ITIH4: variants seen among roughly 807,000 people sequenced by gnomAD.
ITIH4 encodes inter-alpha-trypsin inhibitor heavy chain H4.
A neutral mutation model predicts 111.8 loss-of-function variants in ITIH4; 79 were observed. That is an observed-to-expected ratio of 0.71 (90% confidence interval 0.59 to 0.85). The LOEUF is 0.85. Ranked by LOEUF, ITIH4 falls within the 40% of genes least tolerant of loss-of-function variation. The probability of loss-of-function intolerance (pLI) is 0.00; values close to 1 mark genes in which losing one functional copy is unlikely to be tolerated. For missense variants in ITIH4, 1,065 were observed against 1,195.8 expected (o/e 0.89, Z 1.61); for synonymous variants, 472 against 468.3 (o/e 1.01, Z -0.10).
chr3:52,813,457 C>T lies in ITIH4; in HGVS notation c.2757G>A (p.Pro919=), dbSNP rs78780447. 30,325 of 1,614,004 alleles carry T rather than the reference C, an allele frequency of 0.019. 401 individuals are homozygous for T. The highest frequency in any genetic ancestry group is 0.022 in the Non-Finnish European group (26,210 of 1,179,884). The part of the protein sequence containing the change: ...ERRLDYQEGP[P]GVEISCWSVE... ...CAGACCAGCAGGAAATCTCCACTCC[C>T]GGGGGCCCCTCCTGGTAATCCAGCC... The change falls in exon 24 of 24, where the codon CCG becomes CCA. Residue 919 remains proline (P), a synonymous_variant. Coordinates refer to ENST00000266041, the MANE Select transcript of ITIH4 (RefSeq NM_002218.5).
intron 23 of ITIH4, among the ~76,000 whole-genome samples, 193 bp downstream of exon 23, chr3:52,813,782 G>T (rs961436269): frequency 6.6e-6 from 1 of 152,194 alleles, no homozygotes; most frequent in Non-Finnish European, 1.5e-5. Flanking sequence ...TTTTCTGTGG[G>T]TCTGAGATGG....
Position 52,830,573 on chromosome 3 carries a change from G to C in ITIH4, c.70C>G (p.Gln24Glu). Residue 24 changes from glutamine to glutamate, a missense_variant, in exon 1 of 24, where the codon CAG becomes GAG. Physicochemically the swap from Gln to Glu is conservative, Grantham distance 29. Coordinates refer to ENST00000266041, the MANE Select transcript of ITIH4 (RefSeq NM_002218.5). ...GCTACCTTTTCGGCAGTAGTAGTCT[G>C]GTGGATGGCCAGCAGTGAAAGCAGG... is the stretch of plus-strand genomic sequence containing the variant. ...LVLLSLLAIH[Q>E]TTTAEKNGID... The C allele has an allele frequency of 6.2e-7, 1 of 1,614,152 alleles. No individual in the cohort carries two copies. The highest frequency in any genetic ancestry group is 8.5e-7 in the Non-Finnish European group (1 of 1,179,990).
intron 17 of ITIH4, chr3:52,819,182 C>T (rs3774361): frequency 0.056 from 31,320 of 559,810 alleles, 4,613 homozygotes; most frequent in African/African-American, 0.35. Flanking sequence ...GCTGGGAAGG[C>T]GAGGACAGCC....
chr3:52,820,349 A>G (rs574517662), intron 13 of ITIH4, 32 bp from the exon 14 acceptor site: 4 of 1,606,510 alleles, frequency 2.5e-6, no homozygotes, highest in Non-Finnish European at 2.6e-6. Context: ...AGAGAGACAG[A>G]CAGACAGAGA....
At position 52,820,639 on chromosome 3, in the gene ITIH4, A is replaced by ATG. The variant is rs1700364266; in HGVS notation, c.1824_1825dup (p.Met609ThrfsTer51). On this transcript the variant is annotated frameshift_variant, in exon 13 of 24. Transcript: ENST00000266041. LOFTEE classifies it high-confidence loss of function. ...CTCAACCCCACACCCACCGCCTTCC[A>ATG]TGGGCTTCTCAGCAACTTGAGACTG... 18 of 1,610,122 alleles carry ATG rather than the reference A, an allele frequency of 1.1e-5. No individual in the cohort carries two copies. In the South Asian group the frequency reaches 1.8e-4, roughly 16 times the overall value.
rs942678476 is a variant in ITIH4, at chr3:52,813,268, C to A, written c.*153G>T. ...GGCCCTAGGATTTGGCCACATGGAA[C>A]TGGAGACACCCACTTCCCAGGCTCA... On this transcript the variant is annotated 3_prime_UTR_variant, in exon 24 of 24. Transcript: ENST00000266041. 1.7e-5 allele frequency: 12 copies of A among 706,178 alleles called. No individual in the cohort carries two copies. In the African/African-American group the frequency reaches 2.0e-4, roughly 12 times the overall value. 43.7% of individuals were successfully genotyped at this position (706,178 alleles called of 1,614,324 possible).
rs371170395 is a variant in ITIH4, at chr3:52,818,290, G to T, written c.2153-7C>A. On this transcript the variant is annotated splice_polypyrimidine_tract_variant and splice_region_variant and intron_variant, in intron 18 of 23. Transcript: ENST00000266041. ...TGGGTTGTCATGGTTGTTTCTAAAA[G>T]AAGAAAAAGTCTGGGTTTAGGCAGC... 11 of 1,576,016 alleles carry T rather than the reference G, an allele frequency of 7.0e-6. No homozygotes were observed. The highest frequency in any genetic ancestry group is 9.5e-6 in the Non-Finnish European group (11 of 1,162,842).
intron 1 of ITIH4, 98 bp downstream of exon 1, chr3:52,830,455 C>T: frequency 8.6e-7 from 1 of 1,160,762 alleles, no homozygotes; most frequent in Non-Finnish European, 1.3e-6. Flanking sequence ...GATGCACACG[C>T]ACTTGTGCTG....
rs1700314401 is a variant in ITIH4 at position 52,818,266 on chromosome 3, G to A, written c.2170C>T (p.Gln724Ter). 2 of 1,581,214 alleles carry A rather than the reference G, an allele frequency of 1.3e-6. No individual in the cohort carries two copies. Among genetic ancestry groups the A allele is most frequent in the South Asian group, 1.2e-5 (1 of 84,526 alleles). ...GGGGCTGGGAACTTACCTGGGGTTTGGGTTGTCATGGTTGTTTCTAAAAGA... is the reference window on the plus strand; with the variant it reads ...GGGGCTGGGAACTTACCTGGGGTTTAGGTTGTCATGGTTGTTTCTAAAAGA... ...MKIEETTMTT[Q>*]TPAPIQAPSA... The change falls in exon 19 of 24, where the codon CAA (glutamine) becomes TAA (stop). Residue 724 changes from glutamine (Q) to a stop codon, truncating the protein, a stop_gained. Coordinates refer to ENST00000266041, the MANE Select transcript of ITIH4 (RefSeq NM_002218.5). LOFTEE classifies it high-confidence loss of function.
intron 11 of ITIH4, 142 bp from the exon 12 acceptor site, chr3:52,821,272 G>T: frequency 6.3e-6 from 6 of 957,264 alleles, no homozygotes; most frequent in Non-Finnish European, 9.3e-6. Context: ...TTGAGTGGGG[G>T]TAAGGAGGGG....
At chr3:52,818,941 C>T (rs777566080) in intron 17 of ITIH4, 72 of 280,030 alleles carry the variant, frequency 2.6e-4, no homozygotes, top group African/African-American at 4.4e-5. Context: ...GGGAGAGGGG[C>T]CTTCAGAGAG....
chr3:52,819,580 G>A (rs1700340011), intron 16 of ITIH4, 62 bp from the exon 17 acceptor site: 1 of 1,609,206 alleles, frequency 6.2e-7, no homozygotes. Context: ...CACAGCCAGG[G>A]CTTGAGATCC....
rs112056587 is a variant in ITIH4 at position 52,824,203 on chromosome 3, G to A, written c.1158C>T (p.Gly386=). The change falls in exon 9 of 24, where the codon GGC becomes GGT. Residue 386 remains glycine (G), a synonymous_variant. Transcript: ENST00000266041. The surrounding 1 kb of genome is among the most constrained non-coding windows in gnomAD (Gnocchi z 4.3). The part of the protein sequence containing the change: ...SVSLIILLTD[G]DPTVGETNPR... The stretch of plus-strand genomic sequence containing the variant: ...CAGGGCCCTCACCCACAGTGGGGTC[G>A]CCATCGGTGAGCAGGATGATGAGTG... The A allele has an allele frequency of 6.6e-4, 1,068 of 1,613,306 alleles. 10 individuals carry two copies. The African/African-American group carries it at 8.5e-3, about 13-fold the overall frequency.
At position 52,824,674 on chromosome 3, in the gene ITIH4, T is replaced by G. The variant is rs1009481644; in HGVS notation, c.877-109A>C. The stretch of plus-strand genomic sequence containing the variant: ...GTCTCAGGGGTGAGGTCATGGTATC[T>G]GCTCTAGGAACAGGGGCTGCCCTAG... On this transcript the variant is annotated intron_variant, in intron 7 of 23. Coordinates refer to ENST00000266041, the MANE Select transcript of ITIH4 (RefSeq NM_002218.5). This position sits in a 1 kb window ranked among gnomAD's most constrained non-coding sequence, Gnocchi z 4.3. 1.5e-6 allele frequency: 2 copies of G among 1,334,546 alleles called. No individual in the cohort carries two copies. Among genetic ancestry groups the G allele is most frequent in the African/African-American group, 2.9e-5 (2 of 68,488 alleles). The allele number at this position is 1,334,546 out of a possible 1,614,324, so 82.7% of individuals were successfully genotyped here. A position where few individuals can be genotyped will look rare whatever the true frequency, so the allele number is the denominator to read the frequency against.
In ITIH4 at chr3:52,823,592, C is replaced by T. The variant is rs1472029650; in HGVS notation, c.1503G>A (p.Gly501=). The change falls in exon 11 of 24, where the codon GGG becomes GGA. Residue 501 remains glycine, a synonymous_variant. Coordinates refer to ENST00000266041, the MANE Select transcript of ITIH4 (RefSeq NM_002218.5). ...TGACTGTGGCTGTGAGCACATCAGG[C>T]CCCCGGTCCTGGAGCTTCCCAGCCA... ...MVVAGKLQDR[G]PDVLTATVSG... is the part of the protein sequence containing the mutation. 1 of 1,612,612 alleles carries T rather than the reference C, an allele frequency of 6.2e-7. No individual in the cohort carries two copies.
intron 1 of ITIH4, chr3:52,829,956 C>T (rs1700542065): frequency 4.9e-6 from 1 of 203,332 alleles, no homozygotes. Context: ...GAGGGGCACA[C>T]GGGCACCTCT....
rs1700310911 is a variant in ITIH4 at position 52,818,100 on chromosome 3, G to C, written c.2248C>G (p.Pro750Ala). 7 of 1,613,822 alleles carry C rather than the reference G, an allele frequency of 4.3e-6. No individual in the cohort carries two copies. The highest frequency in any genetic ancestry group is 5.9e-6 in the Non-Finnish European group (7 of 1,180,012). The part of the protein sequence containing the change: ...GQSVERLCVD[P>A]RHRQGPVNLL... ...TTCACTGGCCCCTGGCGGTGTCTGG[G>C]GTCCACACAGAGCCGCTCCACACTC... The change falls in exon 20 of 24, where the codon CCC (proline) becomes GCC (alanine). Residue 750 changes from proline to alanine, a missense_variant. Transcript: ENST00000266041.
intron 13 of ITIH4, 58 bp downstream of exon 13, chr3:52,820,573 A>G (rs1239184653): frequency 6.5e-7 from 1 of 1,548,532 alleles, no homozygotes; most frequent in African/African-American, 1.4e-5. Context: ...AAGATCGGGG[A>G]GAACGCTGGG....
In ITIH4 at chr3:52,813,445, A is replaced by C. The variant is rs1326680355; in HGVS notation, c.2769T>G (p.Ile923Met). The C allele has an allele frequency of 1.9e-6, 3 of 1,614,078 alleles. No homozygotes were observed. Among genetic ancestry groups the C allele is most frequent in the South Asian group, 1.1e-5 (1 of 91,078 alleles). ...DYQEGPPGVE[I>M]SCWSVEL ...ACTACAGCTCCACAGACCAGCAGGA[A>C]ATCTCCACTCCCGGGGGCCCCTCCT... Residue 923 changes from isoleucine (I) to methionine (M), a missense_variant, in exon 24 of 24, where the codon ATT (isoleucine) becomes ATG (methionine). Ile to Met is a conservative substitution (Grantham distance 10). Coordinates refer to ENST00000266041, the MANE Select transcript of ITIH4 (RefSeq NM_002218.5).
Sources: gnomAD v4.1 joint callset for allele counts (sites outside exome capture counted in the v4.1 genomes callset) on GRCh38, gnomAD v4.1.1 for gene constraint, Gnocchi (gnomAD v3.1) non-coding constraint, MANE v1.5 for transcripts, NCBI Gene and HGNC (gene_info 2026-07-23, HGNC 2026-07-21) for gene names.